ADGRB1: variants seen among roughly 807,000 people sequenced by gnomAD.
ADGRB1 encodes the protein adhesion G protein-coupled receptor B1.
In ADGRB1, 36 loss-of-function variants were observed where a neutral mutation model predicts 175.7. That is an observed-to-expected ratio of 0.20 (90% CI 0.16 to 0.27). ADGRB1 has a LOEUF of 0.27. ADGRB1 is among the 10% of genes least tolerant of loss of function. The pLI, the probability that ADGRB1 is intolerant of heterozygous loss-of-function variation, is 1.00. For missense variants in ADGRB1, 1,731 were observed against 2,255.3 expected (o/e 0.77, Z 4.71); for synonymous variants, 1,054 against 979.4 (o/e 1.08, Z -1.42).
chr8:142,520,576 G>C (rs940601310), intron 19 of ADGRB1, among the ~76,000 whole-genome samples: 1 of 150,778 alleles, frequency 6.6e-6, no homozygotes, highest in African/African-American at 2.4e-5. Flanking sequence ...GTGTGGTGGT[G>C]GTGATGGTGG....
At chr8:142,500,537 C>T (rs1440189016) in intron 17 of ADGRB1, among the ~76,000 whole-genome samples, 6 of 151,456 alleles carry the variant, frequency 4.0e-5, no homozygotes, top group Non-Finnish European at 8.8e-5. Flanking sequence ...CCTGGAAGGC[C>T]GTGAGCCTCT....
rs957444454 is a variant in ADGRB1 at position 142,507,694 on chromosome 8, C to T, written c.2676-3238C>T. Among the ~76,000 whole-genome samples the T allele has an allele frequency of 5.9e-5, 9 of 152,304 alleles. No individual in the cohort carries two copies. The East Asian group carries it at 1.5e-3, about 26-fold the overall frequency. On this transcript the variant is annotated intron_variant, in intron 17 of 30. Coordinates refer to ENST00000517894, the MANE Select transcript of ADGRB1 (RefSeq NM_001702.3). ...GCCAGGCTGCTGGCCCCAGCCAGCC[C>T]GGCTCCCTGCACCCTCGAAGTGCTC... is the stretch of plus-strand genomic sequence containing the variant.
chr8:142,468,894 T>G (rs1840427519), intron 2 of ADGRB1, among the ~76,000 whole-genome samples: 1 of 152,246 alleles, frequency 6.6e-6, no homozygotes, highest in African/African-American at 2.4e-5. Flanking sequence ...GGCCAGGATG[T>G]AAGCAGCACA....
chr8:142,489,003 C>A (rs776640822), intron 14 of ADGRB1, 32 bp from the exon 15 acceptor site: 2 of 1,602,158 alleles, frequency 1.2e-6, no homozygotes, highest in Admixed American at 1.7e-5. Context: ...GTGGGGATGG[C>A]GGGCCGGGGT....
intron 1 of ADGRB1, among the ~76,000 whole-genome samples, chr8:142,462,725 C>G (rs758653766): frequency 6.6e-6 from 1 of 152,240 alleles, no homozygotes. Flanking sequence ...ACCAGGAGGC[C>G]GGGTGGCCTG....
intron 13 of ADGRB1, among the ~76,000 whole-genome samples, chr8:142,486,283 G>C (rs554331810): frequency 4.5e-4 from 68 of 152,302 alleles, no homozygotes; most frequent in African/African-American, 1.5e-3. Context: ...ATGCAAACCA[G>C]ATGAAAGGAA....
At chr8:142,468,557 A>C (rs963991138) in intron 2 of ADGRB1, among the ~76,000 whole-genome samples, 1 of 152,152 alleles carries the variant, frequency 6.6e-6, no homozygotes, top group Admixed American at 6.5e-5. Context: ...CTCAGTAGTA[A>C]TAGTCATTTA....
At chr8:142,491,330 A>AG (rs1841971442) in intron 17 of ADGRB1, among the ~76,000 whole-genome samples, 1 of 152,150 alleles carries the variant, frequency 6.6e-6, no homozygotes, top group African/African-American at 2.4e-5. Context: ...CGGCTGGCCC[A>AG]GGCGCTGTGG....
chr8:142,502,748 G>A (rs1464140747), intron 17 of ADGRB1, among the ~76,000 whole-genome samples: 1 of 151,638 alleles, frequency 6.6e-6, no homozygotes, highest in African/African-American at 2.4e-5. Flanking sequence ...GTGATATAGT[G>A]GCAGAAAGAG....
chr8:142,480,390 G>C (rs1841269142), intron 9 of ADGRB1, among the ~76,000 whole-genome samples: 2 of 152,220 alleles, frequency 1.3e-5, no homozygotes, highest in African/African-American at 4.8e-5. Context: ...GATGAGGGCA[G>C]TTGGGGTTCC....
rs570491642 is a variant in ADGRB1 at position 142,492,148 on chromosome 8, C to A, written c.2675+1333C>A. Among the ~76,000 whole-genome samples, 80 of 152,184 alleles carry A rather than the reference C, an allele frequency of 5.3e-4. 1 individual carries two copies. The highest frequency in any genetic ancestry group is 1.9e-3 in the African/African-American group (79 of 41,522). ...CCACCCTCCACCCACCAACCATCAA[C>A]CCTCTCCTTCGTCCACCTGTTCTTT... On this transcript the variant is annotated intron_variant, in intron 17 of 30. Coordinates refer to ENST00000517894, the MANE Select transcript of ADGRB1 (RefSeq NM_001702.3). The surrounding 1 kb of genome is among the most constrained non-coding windows in gnomAD (Gnocchi z 4.4).
chr8:142,519,770 G>GC (rs1440398155), intron 19 of ADGRB1, among the ~76,000 whole-genome samples: 3 of 150,932 alleles, frequency 2.0e-5, no homozygotes, highest in African/African-American at 7.3e-5. Flanking sequence ...TCGTGGTGAT[G>GC]GTAGTGATGG....
intron 13 of ADGRB1, among the ~76,000 whole-genome samples, chr8:142,488,070 T>C (rs113744133): frequency 1.3e-5 from 2 of 151,358 alleles, no homozygotes; most frequent in South Asian, 2.1e-4. Flanking sequence ...TTCTGGGCCA[T>C]GGAGGGTGGG....
intron 1 of ADGRB1, among the ~76,000 whole-genome samples, chr8:142,461,857 G>A (rs1438837586): frequency 3.9e-5 from 6 of 152,178 alleles, no homozygotes; most frequent in African/African-American, 7.2e-5. Flanking sequence ...TCAAGGCCAC[G>A]TGGGTTCAGC....
chr8:142,460,084 A>T (rs937630998), intron 1 of ADGRB1, among the ~76,000 whole-genome samples: 2 of 152,018 alleles, frequency 1.3e-5, no homozygotes, highest in East Asian at 3.9e-4. Flanking sequence ...CGTGGGGGGG[A>T]CAGGAGCCTG....
At chr8:142,480,043 C>G (rs1841246224) in intron 9 of ADGRB1, among the ~76,000 whole-genome samples, 1 of 152,212 alleles carries the variant, frequency 6.6e-6, no homozygotes, top group South Asian at 2.1e-4. Context: ...TCCACGGAGT[C>G]TAAGCAACCC....
At position 142,521,957 on chromosome 8, in the gene ADGRB1, CCA is replaced by C; in HGVS notation, c.3025-3_3025-2del. On this transcript the variant is annotated splice_polypyrimidine_tract_variant and splice_region_variant and intron_variant, in intron 20 of 30. Coordinates refer to ENST00000517894, the MANE Select transcript of ADGRB1 (RefSeq NM_001702.3). ...TGCCCAGCCTGCCCCGCCCTGGGCC[CCA>C]CACAGGTGGTGTGCACGCTGGTGGC... The C allele has an allele frequency of 1.3e-6, 2 of 1,581,578 alleles. No homozygotes were observed. Among genetic ancestry groups the C allele is most frequent in the African/African-American group, 1.3e-5 (1 of 74,274 alleles).
intron 17 of ADGRB1, among the ~76,000 whole-genome samples, chr8:142,501,145 G>C (rs1207169258): frequency 6.6e-6 from 1 of 152,256 alleles, no homozygotes; most frequent in Admixed American, 6.5e-5. Flanking sequence ...TGTGCTTATA[G>C]TGGAGGTGAC....
chr8:142,543,524 A>G lies in ADGRB1; in HGVS notation c.4450-77A>G, dbSNP rs1845410236. ...ACGGCCAGGCAGCTCCCCGGCAGCCAGGGGACGGGCGGGGCAGGCAGGATG... is the reference window on the plus strand; with the variant it reads ...ACGGCCAGGCAGCTCCCCGGCAGCCGGGGGACGGGCGGGGCAGGCAGGATG... On this transcript the variant is annotated intron_variant, in intron 29 of 30. Coordinates refer to ENST00000517894, the MANE Select transcript of ADGRB1 (RefSeq NM_001702.3). This position sits in a 1 kb window ranked among gnomAD's most constrained non-coding sequence, Gnocchi z 4.4. 2 of 1,600,668 alleles carry G rather than the reference A, an allele frequency of 1.2e-6. No individual in the cohort carries two copies. The highest frequency in any genetic ancestry group is 1.7e-6 in the Non-Finnish European group (2 of 1,172,604).
Sources: allele counts gnomAD v4.1 joint callset (sites outside exome capture counted in the v4.1 genomes callset), GRCh38; gene constraint gnomAD v4.1.1; non-coding constraint Gnocchi (gnomAD v3.1); transcripts MANE v1.5; gene names NCBI Gene and HGNC (gene_info 2026-07-23, HGNC 2026-07-21).